GDPGP1: variants seen among roughly 807,000 people sequenced by gnomAD.
GDPGP1 encodes GDP-D-glucose phosphorylase C15orf58.
A neutral mutation model predicts 19.2 loss-of-function variants in GDPGP1; 18 were observed. That is an observed-to-expected ratio of 0.94 (90% CI 0.65 to 1.39). The LOEUF (loss-of-function observed/expected upper bound fraction) is 1.39, where lower values mean the gene tolerates loss of function less well. Ranked by LOEUF, GDPGP1 falls within the 40% of genes most tolerant of loss-of-function variation. The pLI is 0.00. For missense variants in GDPGP1, 449 were observed against 490.5 expected (o/e 0.92, Z 0.80); for synonymous variants, 219 against 208.9 (o/e 1.05, Z -0.42).
Position 90,243,644 on chromosome 15 carries a change from T to TG in GDPGP1, c.*1578_*1579insG. On this transcript the variant is annotated 3_prime_UTR_variant, in exon 4 of 4. Transcript: ENST00000329600. ...TGCCACCACACCTTGGTGCAGGTTT[T>TG]TTTTTTTTTTTTTTTTTTTTTTTTT... 1 of 35,164 alleles carries TG rather than the reference T, an allele frequency of 2.8e-5. No individual in the cohort carries two copies. The highest frequency in any genetic ancestry group is 5.0e-5 in the Non-Finnish European group (1 of 19,836). The allele number at this position is 35,164 out of a possible 1,614,324, so 2.2% of individuals were successfully genotyped here.
chr15:90,245,472 C>CAAAAAAAAAA lies in GDPGP1; in HGVS notation c.*3412_*3421dup, dbSNP rs72402246. 1 of 122,770 alleles carries CAAAAAAAAAA rather than the reference C, an allele frequency of 8.1e-6. No individual in the cohort carries two copies. Among genetic ancestry groups the CAAAAAAAAAA allele is most frequent in the African/African-American group, 2.9e-5 (1 of 34,452 alleles). 7.6% of individuals were successfully genotyped at this position (122,770 alleles called of 1,614,324 possible). ...TGGGCGGCAGAGAGAGACTTTGTCT[C>CAAAAAAAAAA]AAAAAAAAAAAAAAAGAAAAAAACA... On this transcript the variant is annotated 3_prime_UTR_variant, in exon 4 of 4. Coordinates refer to ENST00000329600, the MANE Select transcript of GDPGP1 (RefSeq NM_001013657.3).
In GDPGP1 at chr15:90,243,678, G is replaced by C. The variant is rs908484188; in HGVS notation, c.*1612G>C. The C allele has an allele frequency of 8.0e-6, 1 of 125,428 alleles. No individual in the cohort carries two copies. Among genetic ancestry groups the C allele is most frequent in the African/African-American group, 3.2e-5 (1 of 31,504 alleles). 7.8% of individuals were successfully genotyped at this position (125,428 alleles called of 1,614,324 possible). A position where few individuals can be genotyped will look rare whatever the true frequency, so the allele number is the denominator to read the frequency against. On this transcript the variant is annotated 3_prime_UTR_variant, in exon 4 of 4. Coordinates refer to ENST00000329600, the MANE Select transcript of GDPGP1 (RefSeq NM_001013657.3). Reference sequence around the variant, plus strand: ...TTTTTTTTTTTTTTTTTTGACACAGGGTCACTGTCACCCAGGCTGGAGTGC... The same window carrying C: ...TTTTTTTTTTTTTTTTTTGACACAGCGTCACTGTCACCCAGGCTGGAGTGC...
rs1217605148 is a variant in GDPGP1 at position 90,241,488 on chromosome 15, C to T, written c.580C>T (p.Leu194=). The part of the protein sequence containing the change: ...GALRAGIEAV[L]LSLHPGFRVG... ...ACTGAGGGCAGGGATTGAGGCTGTG[C>T]TGCTGAGCTTACACCCGGGCTTCCG... The change falls in exon 4 of 4, where the codon CTG becomes TTG. Residue 194 remains leucine (L), a synonymous_variant. Coordinates refer to ENST00000329600, the MANE Select transcript of GDPGP1 (RefSeq NM_001013657.3). 1 of 1,613,768 alleles carries T rather than the reference C, an allele frequency of 6.2e-7. No homozygotes were observed.
rs1426801364 is a variant in GDPGP1, at chr15:90,241,094, A to C, written c.186A>C (p.Ala62=). The part of the protein sequence containing the change: ...DALPQSPFDA[A]LCSAWKQRVE... ...TGCCACAATCTCCCTTTGATGCTGC[A>C]CTCTGCTCTGCCTGGAAGCAGCGGG... The change falls in exon 4 of 4, where the codon GCA becomes GCC. Residue 62 remains alanine, a synonymous_variant. Coordinates refer to ENST00000329600, the MANE Select transcript of GDPGP1 (RefSeq NM_001013657.3). 2.5e-6 allele frequency: 4 copies of C among 1,613,988 alleles called. No individual in the cohort carries two copies. The highest frequency in any genetic ancestry group is 1.7e-6 in the Non-Finnish European group (2 of 1,179,976).
At chr15:90,240,779 A>C (rs1962734735) in intron 3 of GDPGP1, 121 bp from the exon 4 acceptor site, 1 of 654,396 alleles carries the variant, frequency 1.5e-6, no homozygotes, top group African/African-American at 1.8e-5. Flanking sequence ...CTGCCACTGC[A>C]CTCCAGCCTG....
rs1258395953 is a variant in GDPGP1, at chr15:90,241,124, GC to G, written c.217del (p.Leu73TrpfsTer26). ...LCSAWKQRVELGLFRYRLREL... is the reference protein window; with the variant it reads ...LCSAWKQRVEXGLFRYRLREL... ...GCTCTGCCTGGAAGCAGCGGGTGGA[GC>G]TGGGGCTGTTTCGCTACCGTCTACG... On this transcript the variant is annotated frameshift_variant, in exon 4 of 4. Coordinates refer to ENST00000329600, the MANE Select transcript of GDPGP1 (RefSeq NM_001013657.3). LOFTEE classifies it high-confidence loss of function. The G allele has an allele frequency of 1.2e-6, 2 of 1,614,192 alleles. No homozygotes were observed. Among genetic ancestry groups the G allele is most frequent in the African/African-American group, 2.7e-5 (2 of 75,054 alleles).
chr15:90,241,654 A>C lies in GDPGP1; in HGVS notation c.746A>C (p.Asp249Ala). The C allele has an allele frequency of 6.2e-7, 1 of 1,614,120 alleles. No individual in the cohort carries two copies. The highest frequency in any genetic ancestry group is 8.5e-7 in the Non-Finnish European group (1 of 1,180,014). The part of the protein sequence containing the change: ...DPGGHLHLLQ[D>A]LPAPGFLFYT... ...GGAGGCCATTTGCATCTGCTCCAGG[A>C]CCTCCCAGCTCCTGGCTTCCTCTTT... is the stretch of plus-strand genomic sequence containing the variant. Residue 249 changes from aspartate (D) to alanine (A), a missense_variant, in exon 4 of 4, where the codon GAC (aspartate) becomes GCC (alanine). Transcript: ENST00000329600.
chr15:90,242,120 ACT>A lies in GDPGP1; in HGVS notation c.*57_*58del. 1 of 1,428,148 alleles carries A rather than the reference ACT, an allele frequency of 7.0e-7. No individual in the cohort carries two copies. The highest frequency in any genetic ancestry group is 1.3e-5 in the South Asian group (1 of 74,856). The allele number at this position is 1,428,148 out of a possible 1,614,324, so 88.5% of individuals were successfully genotyped here. On this transcript the variant is annotated 3_prime_UTR_variant, in exon 4 of 4. Transcript: ENST00000329600. ...TTCTTTTCTTTTGAGATAGGGTCTC[ACT>A]CTGTCCCCAGGCTAGAGTGTAGTGG...
At chr15:90,238,835 T>A (rs996399656) in intron 3 of GDPGP1, among the ~76,000 whole-genome samples, 2 of 152,192 alleles carry the variant, frequency 1.3e-5, no homozygotes, top group Non-Finnish European at 2.9e-5. Context: ...CAGGTATGAT[T>A]TTCTGGAGGG....
At chr15:90,240,869 C>T in intron 3 of GDPGP1, 31 bp from the exon 4 acceptor site, 1 of 1,374,968 alleles carries the variant, frequency 7.3e-7, no homozygotes. Context: ...GGGTTACCAT[C>T]ATGTGTTTTC....
intron 2 of GDPGP1, chr15:90,236,280 G>T (rs759273589): frequency 6.6e-6 from 1 of 152,092 alleles, no homozygotes; most frequent in Non-Finnish European, 1.5e-5. Flanking sequence ...TCAGGTGATC[G>T]CCTGTCTTGG....
In GDPGP1 at chr15:90,241,452, C is replaced by T. The variant is rs768400375; in HGVS notation, c.544C>T (p.Leu182=). 6.2e-7 allele frequency: 1 copy of T among 1,613,604 alleles called. No homozygotes were observed. The highest frequency in any genetic ancestry group is 1.7e-5 in the Admixed American group (1 of 60,030). The change falls in exon 4 of 4, where the codon CTG becomes TTG. Residue 182 remains leucine (L), a synonymous_variant. Transcript: ENST00000329600. The stretch of plus-strand genomic sequence containing the variant: ...TGCCCGCCAGCTCCCCCAGCGCCTG[C>T]TGCCGGGTGCACTGAGGGCAGGGAT... ...EPARQLPQRL[L]PGALRAGIEA...
In GDPGP1 at chr15:90,244,654, C is replaced by G. The variant is rs1421679796; in HGVS notation, c.*2588C>G. The G allele has an allele frequency of 6.6e-6, 1 of 152,132 alleles. No individual in the cohort carries two copies. Among genetic ancestry groups the G allele is most frequent in the East Asian group, 1.9e-4 (1 of 5,178 alleles). 9.4% of individuals were successfully genotyped at this position (152,132 alleles called of 1,614,324 possible). A position where few individuals can be genotyped will look rare whatever the true frequency, so the allele number is the denominator to read the frequency against. On this transcript the variant is annotated 3_prime_UTR_variant, in exon 4 of 4. Transcript: ENST00000329600. ...CCTGGCCAACATGGTGAAACCCCAT[C>G]TCTACTAAAAATACAAAAATTAGGC... is the stretch of plus-strand genomic sequence containing the variant.
rs761741641 is a variant in GDPGP1 at position 90,241,040 on chromosome 15, A to G, written c.132A>G (p.Pro44=). 4 of 1,614,182 alleles carry G rather than the reference A, an allele frequency of 2.5e-6. No homozygotes were observed. In the South Asian group the frequency reaches 4.4e-5, roughly 18 times the overall value. ...TCATGGCAGAAGGGATTCAGTGGCCAAGGAATGCACCTGGCATCCCAGATG... is the reference window on the plus strand; with the variant it reads ...TCATGGCAGAAGGGATTCAGTGGCCGAGGAATGCACCTGGCATCCCAGATG... ...KDLMAEGIQW[P]RNAPGIPDAL... The change falls in exon 4 of 4, where the codon CCA becomes CCG. Residue 44 remains proline, a synonymous_variant. Coordinates refer to ENST00000329600, the MANE Select transcript of GDPGP1 (RefSeq NM_001013657.3).
chr15:90,240,774 A>G, intron 3 of GDPGP1, 126 bp from the exon 4 acceptor site: 1 of 640,722 alleles, frequency 1.6e-6, no homozygotes, highest in Non-Finnish European at 2.6e-6. Context: ...GATCACTGCC[A>G]CTGCACTCCA....
At chr15:90,237,783 T>A (rs543170461) in intron 2 of GDPGP1, among the ~76,000 whole-genome samples, 2 of 152,186 alleles carry the variant, frequency 1.3e-5, no homozygotes, top group Non-Finnish European at 2.9e-5. Context: ...AGATTCTCTT[T>A]TATTAGAATA....
chr15:90,240,412 G>C (rs1962726794), intron 3 of GDPGP1, among the ~76,000 whole-genome samples: 1 of 151,908 alleles, frequency 6.6e-6, no homozygotes, highest in Admixed American at 6.6e-5. Context: ...GGAGGCTGAG[G>C]CATGAGAATC....
At position 90,244,007 on chromosome 15, in the gene GDPGP1, G is replaced by C. The variant is rs1371377178; in HGVS notation, c.*1941G>C. Reference sequence around the variant, plus strand: ...TGCCCAGGCTGGAGTGCAGTGGTGTGATCTCGGCTCACTGCGTCTCTGCCT... The same window carrying C: ...TGCCCAGGCTGGAGTGCAGTGGTGTCATCTCGGCTCACTGCGTCTCTGCCT... On this transcript the variant is annotated 3_prime_UTR_variant, in exon 4 of 4. Coordinates refer to ENST00000329600, the MANE Select transcript of GDPGP1 (RefSeq NM_001013657.3). 6.7e-6 allele frequency: 1 copy of C among 149,532 alleles called. No homozygotes were observed. The highest frequency in any genetic ancestry group is 2.5e-5 in the African/African-American group (1 of 40,322). The allele number at this position is 149,532 out of a possible 1,614,324, so 9.3% of individuals were successfully genotyped here.
Position 90,241,767 on chromosome 15 carries a change from C to T in GDPGP1, c.859C>T (p.His287Tyr), listed in dbSNP as rs373278275. The change falls in exon 4 of 4, where the codon CAT (histidine) becomes TAT (tyrosine). Residue 287 changes from histidine to tyrosine, a missense_variant. His to Tyr is a moderately conservative substitution (Grantham distance 83, BLOSUM62 2). Coordinates refer to ENST00000329600, the MANE Select transcript of GDPGP1 (RefSeq NM_001013657.3). ...TTATCTGACTGACCATGAGATTGCT[C>T]ATAACTTGTTTGTCACCCGGGGAGC... ...TDYLTDHEIAHNLFVTRGAPP... is the reference protein window; with the variant it reads ...TDYLTDHEIAYNLFVTRGAPP... 6.8e-5 allele frequency: 110 copies of T among 1,614,122 alleles called. No homozygotes were observed. The highest frequency in any genetic ancestry group is 9.2e-5 in the Non-Finnish European group (108 of 1,180,052).
Sources: allele counts gnomAD v4.1 joint callset (sites outside exome capture counted in the v4.1 genomes callset), GRCh38; gene constraint gnomAD v4.1.1; transcripts MANE v1.5; gene names NCBI Gene and HGNC (gene_info 2026-07-23, HGNC 2026-07-21).